Variants in ROBO1 observed in about 807,000 individuals in gnomAD.
ROBO1 encodes roundabout guidance receptor 1, also known as roundabout homolog 1.
ROBO1 carries 149 observed loss-of-function variants against 195.9 expected under a neutral mutation model. The observed-to-expected ratio is 0.76, with a 90% confidence interval of 0.67 to 0.87. ROBO1 has a LOEUF of 0.87. ROBO1 is among the 40% of genes least tolerant of loss of function. ROBO1 has a pLI of 0.00. For missense variants in ROBO1, 1,933 were observed against 2,068.3 expected (o/e 0.93, Z 1.27); for synonymous variants, 816 against 733.2 (o/e 1.11, Z -1.82).
chr3:79,470,421 G>T (rs926418019), intron 2 of ROBO1, among the ~76,000 whole-genome samples: 1 of 152,150 alleles, frequency 6.6e-6, no homozygotes, highest in Non-Finnish European at 1.5e-5. Flanking sequence ...GGGGCATGGG[G>T]AGGGAGGAGG....
chr3:79,615,846 T>C (rs942755227), intron 1 of ROBO1, among the ~76,000 whole-genome samples: 1 of 152,172 alleles, frequency 6.6e-6, no homozygotes. Flanking sequence ...TTTTACCGTA[T>C]AAAAATAGTG....
At chr3:79,279,764 T>C (rs2031362558) in intron 2 of ROBO1, among the ~76,000 whole-genome samples, 1 of 152,204 alleles carries the variant, frequency 6.6e-6, no homozygotes, top group African/African-American at 2.4e-5. Flanking sequence ...ATGTGATGTA[T>C]ATATCACATT....
chr3:79,529,362 C>T (rs1325698452), intron 2 of ROBO1, among the ~76,000 whole-genome samples: 1 of 152,074 alleles, frequency 6.6e-6, no homozygotes. Flanking sequence ...ATGGTGCATC[C>T]CAGTAGTCCC....
At chr3:79,199,341 G>C (rs1576804715) in intron 2 of ROBO1, among the ~76,000 whole-genome samples, 1 of 151,740 alleles carries the variant, frequency 6.6e-6, no homozygotes, top group Non-Finnish European at 1.5e-5. Context: ...ACATTTCTAA[G>C]AAGAGAAATG....
intron 4 of ROBO1, among the ~76,000 whole-genome samples, chr3:78,927,150 T>C (rs1366126940): frequency 1.3e-5 from 2 of 152,124 alleles, no homozygotes; most frequent in Non-Finnish European, 2.9e-5. Context: ...CTTTGGAAAA[T>C]GTCGGTAAAG....
At chr3:79,414,181 GTCTC>G (rs531510002) in intron 2 of ROBO1, among the ~76,000 whole-genome samples, 1,898 of 148,682 alleles carry the variant, frequency 0.013, 35 homozygotes, top group African/African-American at 0.043. Flanking sequence ...TATATTAACA[GTCTC>G]TCTCTCTCTC....
intron 4 of ROBO1, among the ~76,000 whole-genome samples, chr3:78,837,841 CAG>C (rs1444084259): frequency 6.6e-6 from 1 of 151,994 alleles, no homozygotes; most frequent in Non-Finnish European, 1.5e-5. Context: ...CATGATTAAA[CAG>C]AAATATCAAA....
chr3:78,726,268 A>G (rs1043400368), intron 5 of ROBO1, among the ~76,000 whole-genome samples: 1 of 152,206 alleles, frequency 6.6e-6, no homozygotes, highest in Non-Finnish European at 1.5e-5. Flanking sequence ...ATTGATTATA[A>G]TGCTAAAAGA....
At chr3:78,822,954 A>G (rs1208223667) in intron 4 of ROBO1, among the ~76,000 whole-genome samples, 2 of 152,234 alleles carry the variant, frequency 1.3e-5, no homozygotes, top group Non-Finnish European at 2.9e-5. Flanking sequence ...CACACAAATT[A>G]TTTCATGAAA....
intron 4 of ROBO1, among the ~76,000 whole-genome samples, chr3:78,929,709 GC>G (rs1004388151): frequency 6.6e-6 from 1 of 151,602 alleles, no homozygotes; most frequent in Non-Finnish European, 1.5e-5. Context: ...TCACCATGTT[GC>G]CCAGGCTGGT....
At chr3:79,129,749 G>A (rs1020999395) in intron 2 of ROBO1, among the ~76,000 whole-genome samples, 1 of 152,108 alleles carries the variant, frequency 6.6e-6, no homozygotes, top group Non-Finnish European at 1.5e-5. Context: ...ATCATTTCTT[G>A]TAGTGAGAAC....
chr3:79,711,774 G>T (rs1377861186), intron 1 of ROBO1, among the ~76,000 whole-genome samples: 3 of 152,080 alleles, frequency 2.0e-5, no homozygotes, highest in Non-Finnish European at 4.4e-5. Context: ...CAAGTCTATG[G>T]ATGTCATTGT....
chr3:78,927,294 C>A (rs2107628074), intron 4 of ROBO1, among the ~76,000 whole-genome samples: 1 of 152,292 alleles, frequency 6.6e-6, no homozygotes, highest in African/African-American at 2.4e-5. Flanking sequence ...CTCTTACATT[C>A]TGCAAATAAA....
intron 1 of ROBO1, among the ~76,000 whole-genome samples, chr3:79,705,505 A>C (rs1432687255): frequency 3.9e-5 from 6 of 151,916 alleles, no homozygotes; most frequent in Non-Finnish European, 7.4e-5. Context: ...ATGTGGCTTT[A>C]TTTCTGGGCT....
intron 4 of ROBO1, among the ~76,000 whole-genome samples, chr3:78,878,543 C>CT (rs2107227232): frequency 7.3e-6 from 1 of 137,388 alleles, no homozygotes; most frequent in South Asian, 2.4e-4. Context: ...GAGATCACAC[C>CT]ACTTCACTCC....
At chr3:78,771,536 G>A (rs917468839) in intron 4 of ROBO1, among the ~76,000 whole-genome samples, 6 of 152,060 alleles carry the variant, frequency 3.9e-5, no homozygotes, top group African/African-American at 7.2e-5. Flanking sequence ...AGCATGGAAT[G>A]TTTTTCCATT....
In ROBO1 at chr3:79,182,293, T is replaced by G. The variant is rs539708138; in HGVS notation, c.89-56754A>C. 2.0e-5 allele frequency among the ~76,000 whole-genome samples: 3 copies of G among 152,318 alleles called. 1 individual carries two copies. Among genetic ancestry groups the G allele is most frequent in the Admixed American group, 2.0e-4 (3 of 15,296 alleles). On this transcript the variant is annotated intron_variant, in intron 2 of 30. Transcript: ENST00000464233. ...CAAATGCATTTTGGGTGGAGACAGA[T>G]TCCACAGCTGATTGCCACTGACTGA...
rs770000473 is a variant in ROBO1 at position 78,646,194 on chromosome 3, G to GA, written c.2840-5dup. The stretch of plus-strand genomic sequence containing the variant: ...TCGCCTCCTCTCTGGTAAGTTACTA[G>GA]AATGTTACGAAAAAAAAAAGGAACA... On this transcript the variant is annotated splice_region_variant and splice_polypyrimidine_tract_variant and intron_variant, in intron 20 of 30. Coordinates refer to ENST00000464233, the MANE Select transcript of ROBO1 (RefSeq NM_002941.4). 5 of 1,596,006 alleles carry GA rather than the reference G, an allele frequency of 3.1e-6. No homozygotes were observed. Among genetic ancestry groups the GA allele is most frequent in the Non-Finnish European group, 4.3e-6 (5 of 1,169,554 alleles).
chr3:79,647,376 A>G (rs1945850235), intron 1 of ROBO1, among the ~76,000 whole-genome samples: 1 of 152,108 alleles, frequency 6.6e-6, no homozygotes. Flanking sequence ...TTCACAAGAA[A>G]TAAGGAAAAT....
Sources: allele counts gnomAD v4.1 joint callset (sites outside exome capture counted in the v4.1 genomes callset), GRCh38; gene constraint gnomAD v4.1.1; transcripts MANE v1.5; gene names NCBI Gene and HGNC (gene_info 2026-07-23, HGNC 2026-07-21).